The following SCHIP1 variants were observed in gnomAD, a reference collection of about 807,000 sequenced individuals.
SCHIP1 encodes schwannomin interacting protein 1, also known as schwannomin-interacting protein 1.
Under a neutral mutation model 29.7 loss-of-function variants are expected in SCHIP1, and 8 were observed. That is an observed-to-expected ratio of 0.27 (90% CI 0.16 to 0.49). The LOEUF is 0.49. SCHIP1 is among the 20% of genes least tolerant of loss of function. SCHIP1 has a pLI of 0.99. For synonymous variants in SCHIP1, 76 were observed against 94.9 expected (o/e 0.80, Z 1.16); for missense variants, 193 against 294.6 (o/e 0.66, Z 2.52).
the SCHIP1 span, among the ~76,000 whole-genome samples, chr3:159,794,288 T>G: frequency 6.6e-6 from 1 of 152,214 alleles, no homozygotes; most frequent in African/African-American, 2.4e-5. Context: ...GTCTCTTAAG[T>G]GATAATACCA....
At chr3:159,494,286 ACT>A in the SCHIP1 span, among the ~76,000 whole-genome samples, 2 of 152,078 alleles carry the variant, frequency 1.3e-5, no homozygotes, top group African/African-American at 2.4e-5. Context: ...GACACAAAAA[ACT>A]CTTCAAAAAA....
the SCHIP1 span, among the ~76,000 whole-genome samples, chr3:159,410,351 T>G: frequency 6.6e-6 from 1 of 152,066 alleles, no homozygotes; most frequent in Non-Finnish European, 1.5e-5. Context: ...ACCCACAGAA[T>G]AGCAGAAAGT....
the SCHIP1 span, among the ~76,000 whole-genome samples, chr3:159,545,970 A>C: frequency 2.0e-5 from 3 of 152,002 alleles, no homozygotes; most frequent in Non-Finnish European, 2.9e-5. Context: ...TTTTGTGTAG[A>C]GGTGTTACAT....
chr3:159,381,510 C>A, the SCHIP1 span, among the ~76,000 whole-genome samples: 2 of 152,128 alleles, frequency 1.3e-5, no homozygotes, highest in East Asian at 3.9e-4. Context: ...TTGATGGTGG[C>A]CCTTAAAGAT....
At chr3:159,727,254 C>T in the SCHIP1 span, among the ~76,000 whole-genome samples, 1 of 152,184 alleles carries the variant, frequency 6.6e-6, no homozygotes, top group Non-Finnish European at 1.5e-5. Flanking sequence ...CTAATCAACA[C>T]CCAGTCACCT....
At chr3:159,319,881 G>A in the SCHIP1 span, among the ~76,000 whole-genome samples, 1,174 of 152,268 alleles carry the variant, frequency 7.7e-3, 9 homozygotes, top group Middle Eastern at 0.017. Flanking sequence ...GCACTTCACA[G>A]ATCTGCTCTG....
chr3:159,497,253 A>G, the SCHIP1 span, among the ~76,000 whole-genome samples: 1 of 148,600 alleles, frequency 6.7e-6, no homozygotes, highest in East Asian at 2.0e-4. Flanking sequence ...TATAATAATA[A>G]AAAAAAAAGA....
the SCHIP1 span, among the ~76,000 whole-genome samples, chr3:159,392,364 G>A: frequency 1.3e-5 from 2 of 152,036 alleles, no homozygotes; most frequent in Non-Finnish European, 1.5e-5. Context: ...ACATTGTGCA[G>A]GTTAGTTACA....
At chr3:159,813,066 T>C in the SCHIP1 span, among the ~76,000 whole-genome samples, 1 of 152,230 alleles carries the variant, frequency 6.6e-6, no homozygotes, top group Non-Finnish European at 1.5e-5. Flanking sequence ...GAGGGTGGAT[T>C]CCTCAACCAA....
the SCHIP1 span, among the ~76,000 whole-genome samples, chr3:159,554,030 G>A: frequency 1.4e-5 from 2 of 146,550 alleles, no homozygotes; most frequent in African/African-American, 2.6e-5. Context: ...TTGTGTATGT[G>A]TGTGTGTGTG....
the SCHIP1 span, among the ~76,000 whole-genome samples, chr3:159,793,470 A>G: frequency 6.6e-6 from 1 of 152,184 alleles, no homozygotes; most frequent in Non-Finnish European, 1.5e-5. Flanking sequence ...TTAAAACAAT[A>G]CATATTTATT....
the SCHIP1 span, among the ~76,000 whole-genome samples, chr3:159,594,962 A>G: frequency 6.6e-6 from 1 of 152,082 alleles, no homozygotes; most frequent in African/African-American, 2.4e-5. Context: ...AAATGCCCCA[A>G]ATCCCCCAAT....
At chr3:159,306,601 T>C in the SCHIP1 span, 14 of 920,864 alleles carry the variant, frequency 1.5e-5, no homozygotes, top group Non-Finnish European at 1.8e-5. Flanking sequence ...GAAAAAAATA[T>C]ACAAACACCT....
chr3:159,553,931 G>A, the SCHIP1 span, among the ~76,000 whole-genome samples: 5 of 150,718 alleles, frequency 3.3e-5, no homozygotes, highest in Non-Finnish European at 1.5e-5. Context: ...CTCCTGAGTA[G>A]CTGGGACTAC....
At chr3:159,360,421 A>C in the SCHIP1 span, among the ~76,000 whole-genome samples, 1 of 152,150 alleles carries the variant, frequency 6.6e-6, no homozygotes, top group Non-Finnish European at 1.5e-5. Context: ...CCTTGTGTCT[A>C]TCCTTTGTTG....
chr3:159,558,237 G>T, the SCHIP1 span, among the ~76,000 whole-genome samples: 18,648 of 152,218 alleles, frequency 0.12, 1,346 homozygotes, highest in African/African-American at 0.19. Flanking sequence ...AGAGAAAAAC[G>T]GGAAGTATGC....
the SCHIP1 span, chr3:159,764,383 G>T: frequency 6.6e-7 from 1 of 1,506,866 alleles, no homozygotes; most frequent in Non-Finnish European, 8.9e-7. This position sits in a 1 kb window ranked among gnomAD's most constrained non-coding sequence, Gnocchi z 6.1. Flanking sequence ...ATTTGGGGCG[G>T]GTGGCGGGAG....
chr3:159,837,755 G>A (rs1323176594), upstream of SCHIP1, among the ~76,000 whole-genome samples: 1 of 152,032 alleles, frequency 6.6e-6, no homozygotes, highest in Non-Finnish European at 1.5e-5. Context: ...AACCTTGTTG[G>A]GTGGTTGTAT....
At chr3:159,656,413 C>T in the SCHIP1 span, among the ~76,000 whole-genome samples, 4 of 152,174 alleles carry the variant, frequency 2.6e-5, no homozygotes, top group Non-Finnish European at 4.4e-5. Flanking sequence ...CCACAACCTC[C>T]TCTTGTACCT....
Sources: gnomAD v4.1 joint callset for allele counts (sites outside exome capture counted in the v4.1 genomes callset) on GRCh38, gnomAD v4.1.1 for gene constraint, Gnocchi (gnomAD v3.1) non-coding constraint, MANE v1.5 for transcripts, NCBI Gene and HGNC (gene_info 2026-07-23, HGNC 2026-07-21) for gene names.